Variants in BRINP1 observed in about 807,000 individuals in gnomAD.
The protein encoded by BRINP1 is BMP/retinoic acid-inducible neural-specific protein 1.
A neutral mutation model predicts 72.9 loss-of-function variants in BRINP1; 17 were observed. That is an observed-to-expected ratio of 0.23 (90% confidence interval 0.16 to 0.35). The LOEUF is 0.35. Among genes scored for constraint, BRINP1 ranks in the 10% least tolerant of loss-of-function variants. The probability of loss-of-function intolerance (pLI) is 1.00; values close to 1 mark genes in which losing one functional copy is unlikely to be tolerated. For missense variants in BRINP1, 850 were observed against 1,001.6 expected (o/e 0.85, Z 2.04); for synonymous variants, 418 against 378.5 (o/e 1.10, Z -1.21).
At chr9:119,303,804 A>G (rs1830965377) in intron 2 of BRINP1, among the ~76,000 whole-genome samples, 1 of 151,868 alleles carries the variant, frequency 6.6e-6, no homozygotes, top group African/African-American at 2.4e-5. Context: ...GCAGGGGTGG[A>G]TACTTCAGGT....
chr9:119,177,601 G>A (rs919990914), intron 7 of BRINP1, among the ~76,000 whole-genome samples: 8 of 152,034 alleles, frequency 5.3e-5, no homozygotes, highest in East Asian at 1.9e-4. Flanking sequence ...CCCGTAGAGC[G>A]CCCCCTTTCT....
At chr9:119,261,036 A>G (rs1830490060) in intron 2 of BRINP1, among the ~76,000 whole-genome samples, 1 of 152,156 alleles carries the variant, frequency 6.6e-6, no homozygotes, top group African/African-American at 2.4e-5. Context: ...AATATTCTCA[A>G]TACTCTCAAA....
At chr9:119,277,795 CAGTA>C (rs1480230530) in intron 2 of BRINP1, among the ~76,000 whole-genome samples, 1 of 152,030 alleles carries the variant, frequency 6.6e-6, no homozygotes, top group Non-Finnish European at 1.5e-5. Context: ...TCTCTCCAGG[CAGTA>C]AGTATGGCAT....
chr9:119,167,915 G>A lies in BRINP1; in HGVS notation c.1455C>T (p.Asp485=), dbSNP rs886775762. The part of the protein sequence containing the change: ...ISFETDLDFQ[D]LELKYLLQKM... ...TCTGCAGCAGGTACTTCAGCTCCAG[G>A]TCCTGGAAGTCCAGGTCAGTCTCAA... Residue 485 remains aspartate (D), a synonymous_variant, in exon 8 of 8, where the codon GAC becomes GAT. Transcript: ENST00000265922. The surrounding 1 kb of genome is among the most constrained non-coding windows in gnomAD (Gnocchi z 4.3). 3 of 1,614,192 alleles carry A rather than the reference G, an allele frequency of 1.9e-6. No homozygotes were observed. Among genetic ancestry groups the A allele is most frequent in the Admixed American group, 3.3e-5 (2 of 60,026 alleles).
At chr9:119,240,373 A>T (rs1386830476) in intron 4 of BRINP1, among the ~76,000 whole-genome samples, 1 of 152,200 alleles carries the variant, frequency 6.6e-6, no homozygotes, top group East Asian at 1.9e-4. Context: ...TCCAAGGGCC[A>T]AATTAAGTGC....
intron 2 of BRINP1, among the ~76,000 whole-genome samples, chr9:119,290,789 G>A (rs565914571): frequency 2.6e-5 from 4 of 152,266 alleles, no homozygotes; most frequent in Non-Finnish European, 4.4e-5. Flanking sequence ...TTATTAATCA[G>A]ACTATAGGGC....
intron 4 of BRINP1, 30 bp downstream of exon 4, chr9:119,242,017 C>G (rs548571469): frequency 6.2e-7 from 1 of 1,605,884 alleles, no homozygotes; most frequent in East Asian, 2.2e-5. Flanking sequence ...TATTGAGAAC[C>G]TGTCGCCCAA....
intron 1 of BRINP1, among the ~76,000 whole-genome samples, chr9:119,313,619 C>A (rs1831092364): frequency 6.6e-6 from 1 of 152,116 alleles, no homozygotes; most frequent in Non-Finnish European, 1.5e-5. Flanking sequence ...AATCTGGGCC[C>A]ATGTTCCCAT....
intron 2 of BRINP1, among the ~76,000 whole-genome samples, chr9:119,255,884 G>A (rs1036448740): frequency 6.6e-6 from 1 of 150,912 alleles, no homozygotes; most frequent in Non-Finnish European, 1.5e-5. Flanking sequence ...GAACCCGGGA[G>A]GCGGAGGCTG....
At chr9:119,280,867 G>A (rs1830703957) in intron 2 of BRINP1, among the ~76,000 whole-genome samples, 2 of 152,174 alleles carry the variant, frequency 1.3e-5, no homozygotes, top group African/African-American at 2.4e-5. Flanking sequence ...AAGAGCAGGG[G>A]TGTATGAAAG....
intron 7 of BRINP1, among the ~76,000 whole-genome samples, chr9:119,174,322 T>G (rs1829455779): frequency 1.3e-5 from 2 of 150,922 alleles, no homozygotes; most frequent in South Asian, 4.2e-4. Context: ...GAACAGACAC[T>G]TCTCAAAAGA....
At chr9:119,312,313 C>T (rs553893003) in intron 2 of BRINP1, among the ~76,000 whole-genome samples, 5 of 152,264 alleles carry the variant, frequency 3.3e-5, no homozygotes, top group Non-Finnish European at 7.4e-5. Context: ...TTTATGATAA[C>T]AAGGCAGAGC....
intron 7 of BRINP1, among the ~76,000 whole-genome samples, chr9:119,204,887 C>A (rs988430370): frequency 7.9e-5 from 12 of 152,354 alleles, no homozygotes; most frequent in African/African-American, 2.9e-4. Context: ...CCCTCTTTCC[C>A]TCTCCCACCT....
At chr9:119,344,395 C>G (rs1831431893) in intron 1 of BRINP1, among the ~76,000 whole-genome samples, 1 of 152,190 alleles carries the variant, frequency 6.6e-6, no homozygotes, top group Admixed American at 6.5e-5. Flanking sequence ...ATTACTCTTT[C>G]TCCTGCACTG....
chr9:119,366,913 G>A (rs1288358712), intron 1 of BRINP1, among the ~76,000 whole-genome samples: 1 of 151,692 alleles, frequency 6.6e-6, no homozygotes, highest in Non-Finnish European at 1.5e-5. Flanking sequence ...TTCCAGTTTC[G>A]ATCGTCTGTG....
intron 2 of BRINP1, among the ~76,000 whole-genome samples, chr9:119,291,284 T>A (rs1409590994): frequency 6.6e-6 from 1 of 152,182 alleles, no homozygotes; most frequent in African/African-American, 2.4e-5. Flanking sequence ...ACTGTGCAAC[T>A]ATATTTGGCT....
chr9:119,260,153 A>C (rs1426163977), intron 2 of BRINP1, among the ~76,000 whole-genome samples: 1 of 152,220 alleles, frequency 6.6e-6, no homozygotes, highest in African/African-American at 2.4e-5. Context: ...CAGGGATCTA[A>C]AACCATACTT....
At chr9:119,338,892 AC>A (rs1444555580) in intron 1 of BRINP1, among the ~76,000 whole-genome samples, 6 of 151,070 alleles carry the variant, frequency 4.0e-5, no homozygotes, top group African/African-American at 1.5e-4. Context: ...CTCAAAAAAA[AC>A]AAAAAACAAA....
chr9:119,175,775 C>T (rs1295221529), intron 7 of BRINP1, among the ~76,000 whole-genome samples: 1 of 152,016 alleles, frequency 6.6e-6, no homozygotes, highest in Non-Finnish European at 1.5e-5. Context: ...TCCTTTTTTC[C>T]ATTCAAGTCA....
Sources: allele counts gnomAD v4.1 joint callset (sites outside exome capture counted in the v4.1 genomes callset), GRCh38; gene constraint gnomAD v4.1.1; non-coding constraint Gnocchi (gnomAD v3.1); transcripts MANE v1.5; gene names NCBI Gene and HGNC (gene_info 2026-07-23, HGNC 2026-07-21).